COL11A1: variants seen among roughly 807,000 people sequenced by gnomAD.
COL11A1 encodes the protein collagen type XI alpha 1 chain.
COL11A1 carries 74 observed loss-of-function variants against 265.2 expected under a neutral mutation model. The observed-to-expected ratio is 0.28, with a 90% CI of 0.23 to 0.34. The LOEUF (loss-of-function observed/expected upper bound fraction) is 0.34. Among genes scored for constraint, COL11A1 ranks in the 10% least tolerant of loss-of-function variants. The pLI is 1.00. For synonymous variants in COL11A1, 816 were observed against 727.6 expected (o/e 1.12, Z -1.96); for missense variants, 2,165 against 2,263.6 (o/e 0.96, Z 0.88).
intron 1 of COL11A1, among the ~76,000 whole-genome samples, chr1:103,095,979 T>A (rs1259148874): frequency 1.3e-5 from 2 of 152,044 alleles, no homozygotes; most frequent in African/African-American, 4.8e-5. Flanking sequence ...GAGGATACAC[T>A]GATAACAAGC....
chr1:102,892,382 T>C (rs1651883125), intron 57 of COL11A1, among the ~76,000 whole-genome samples: 1 of 152,296 alleles, frequency 6.6e-6, no homozygotes, highest in South Asian at 2.1e-4. Flanking sequence ...CATTATATCC[T>C]GGTCCATAAT....
chr1:103,093,715 C>A (rs186136470), intron 1 of COL11A1, among the ~76,000 whole-genome samples: 9 of 152,190 alleles, frequency 5.9e-5, no homozygotes, highest in Non-Finnish European at 1.3e-4. Flanking sequence ...AAATACATTG[C>A]CAGTAATAAA....
At chr1:102,907,357 T>G (rs921742592) in intron 54 of COL11A1, among the ~76,000 whole-genome samples, 2 of 152,102 alleles carry the variant, frequency 1.3e-5, no homozygotes, top group Admixed American at 1.3e-4. Flanking sequence ...ACTCAACTAA[T>G]GTACTATCTC....
chr1:103,099,095 G>T (rs1259367001), intron 1 of COL11A1, among the ~76,000 whole-genome samples: 1 of 151,680 alleles, frequency 6.6e-6, no homozygotes, highest in Non-Finnish European at 1.5e-5. Flanking sequence ...CCTACTATGT[G>T]GTGGATTCTG....
intron 14 of COL11A1, 119 bp from the exon 15 acceptor site, chr1:103,008,635 TTAAC>T: frequency 2.2e-6 from 2 of 893,880 alleles, no homozygotes; most frequent in Non-Finnish European, 3.7e-6. Context: ...CATATTAGCA[TTAAC>T]TTATTAATTA....
chr1:103,016,352 T>G (rs1051471404), intron 11 of COL11A1, among the ~76,000 whole-genome samples: 1 of 151,998 alleles, frequency 6.6e-6, no homozygotes, highest in Non-Finnish European at 1.5e-5. Context: ...AGTGTATGTA[T>G]GTGTGCATGC....
At chr1:102,956,879 T>TA (rs983221873) in intron 41 of COL11A1, among the ~76,000 whole-genome samples, 328 of 146,070 alleles carry the variant, frequency 2.2e-3, no homozygotes, top group African/African-American at 6.8e-3. Context: ...TCAAACTGAC[T>TA]AAAAAAAAAA....
chr1:102,966,465 G>A (rs1661413045), intron 37 of COL11A1, among the ~76,000 whole-genome samples: 1 of 152,126 alleles, frequency 6.6e-6, no homozygotes, highest in African/African-American at 2.4e-5. Context: ...AATTGTATAA[G>A]TAGGTAAAGA....
chr1:102,879,609 G>A (rs1434828315), intron 66 of COL11A1, 74 bp downstream of exon 66: 14 of 1,337,306 alleles, frequency 1.0e-5, no homozygotes, highest in Non-Finnish European at 1.5e-5. Flanking sequence ...GAAAAATCTG[G>A]CTAAGGACCG....
rs1570800402 is a variant in COL11A1 at position 102,940,259 on chromosome 1, T to G, written c.3384+68A>C. On this transcript the variant is annotated intron_variant, in intron 43 of 66. Coordinates refer to ENST00000370096, the MANE Select transcript of COL11A1 (RefSeq NM_001854.4). ...GGCGCCTAATCATAAAGATTAGAATTATCTAGAATTCTTGACAAAAATTAA... is the reference window on the plus strand; with the variant it reads ...GGCGCCTAATCATAAAGATTAGAATGATCTAGAATTCTTGACAAAAATTAA... 4 of 1,250,826 alleles carry G rather than the reference T, an allele frequency of 3.2e-6. No individual in the cohort carries two copies. In the East Asian group the frequency reaches 9.3e-5, roughly 29 times the overall value. 77.5% of individuals were successfully genotyped at this position (1,250,826 alleles called of 1,614,324 possible). A position where few individuals can be genotyped will look rare whatever the true frequency, so the allele number is the denominator to read the frequency against.
chr1:103,015,641 A>C, intron 12 of COL11A1, 27 bp downstream of exon 12: 8 of 1,489,116 alleles, frequency 5.4e-6, no homozygotes, highest in Admixed American at 1.7e-5. Flanking sequence ...ATATCAAGTC[A>C]TCTCTATAAC....
chr1:103,018,063 T>A (rs1372403315), intron 10 of COL11A1, among the ~76,000 whole-genome samples, 181 bp from the exon 11 acceptor site: 2 of 152,262 alleles, frequency 1.3e-5, no homozygotes, highest in East Asian at 3.9e-4. Context: ...TGTAGCTAGT[T>A]CAGCTGCTCT....
At chr1:102,962,054 T>C (rs376266986) in intron 40 of COL11A1, 122 bp downstream of exon 40, 20 of 1,043,256 alleles carry the variant, frequency 1.9e-5, no homozygotes, top group Admixed American at 1.2e-4. Flanking sequence ...ATATATGTAA[T>C]GATAATCAAA....
chr1:103,017,664 A>T lies in COL11A1; in HGVS notation c.1413+156T>A, dbSNP rs41309169. Among the ~76,000 whole-genome samples, 3,583 of 152,280 alleles carry T rather than the reference A, an allele frequency of 0.024. 56 individuals are homozygous for T. The highest frequency in any genetic ancestry group is 0.075 in the Middle Eastern group (22 of 294). On this transcript the variant is annotated intron_variant, in intron 11 of 66. Coordinates refer to ENST00000370096, the MANE Select transcript of COL11A1 (RefSeq NM_001854.4). ...TTTTCCTCACTTCAAAATAATATTT[A>T]AAATGTTAACTAAAATGTTGTGCAG... is the stretch of plus-strand genomic sequence containing the variant.
intron 30 of COL11A1, among the ~76,000 whole-genome samples, chr1:102,985,949 G>A (rs1276390456): frequency 6.6e-6 from 1 of 152,094 alleles, no homozygotes; most frequent in Non-Finnish European, 1.5e-5. Flanking sequence ...GTGTGAAACT[G>A]TAGAAGTTGC....
chr1:103,065,710 G>GA (rs935740165), intron 4 of COL11A1, among the ~76,000 whole-genome samples: 1 of 151,598 alleles, frequency 6.6e-6, no homozygotes, highest in African/African-American at 2.4e-5. Flanking sequence ...TGAAAAGAAT[G>GA]AAAATATAAG....
intron 4 of COL11A1, among the ~76,000 whole-genome samples, chr1:103,061,403 T>C (rs1670664012): frequency 1.3e-5 from 2 of 152,054 alleles, no homozygotes; most frequent in South Asian, 4.1e-4. Context: ...AAAAAGATAA[T>C]TTTCATATAT....
At chr1:102,921,362 T>C (rs1655968940) in intron 48 of COL11A1, among the ~76,000 whole-genome samples, 156 bp downstream of exon 48, 1 of 152,254 alleles carries the variant, frequency 6.6e-6, no homozygotes, top group African/African-American at 2.4e-5. Context: ...TATTTCATTG[T>C]ATAATAAAGT....
intron 8 of COL11A1, 45 bp from the exon 9 acceptor site, chr1:103,021,814 A>ATTTC (rs774672903): frequency 9.0e-5 from 116 of 1,296,066 alleles, no homozygotes; most frequent in Middle Eastern, 1.8e-4. Flanking sequence ...CTGTAAGACC[A>ATTTC]TTTCTTTCTT....
Sources: allele counts gnomAD v4.1 joint callset (sites outside exome capture counted in the v4.1 genomes callset), GRCh38; gene constraint gnomAD v4.1.1; transcripts MANE v1.5; gene names NCBI Gene and HGNC (gene_info 2026-07-23, HGNC 2026-07-21).